CDH12: variants seen among roughly 807,000 people sequenced by gnomAD.
CDH12 encodes cadherin 12.
Under a neutral mutation model 74.1 loss-of-function variants are expected in CDH12, and 41 were observed. The ratio of observed to expected loss-of-function variants is 0.55; its 90% CI spans 0.43 to 0.72. The LOEUF is 0.72. Ranked by LOEUF, CDH12 falls within the 30% of genes least tolerant of loss-of-function variation. CDH12 has a pLI of 0.00. For synonymous variants in CDH12, 399 were observed against 355.0 expected (o/e 1.12, Z -1.39); for missense variants, 945 against 977.2 (o/e 0.97, Z 0.44).
chr5:22,369,472 GAAC>G (rs929773588), intron 3 of CDH12, among the ~76,000 whole-genome samples: 2 of 151,772 alleles, frequency 1.3e-5, no homozygotes, highest in Non-Finnish European at 2.9e-5. Flanking sequence ...TTAATTCCCT[GAAC>G]AACAAGGTTC....
chr5:22,524,022 C>T (rs1414982136), intron 1 of CDH12, among the ~76,000 whole-genome samples: 1 of 150,402 alleles, frequency 6.6e-6, no homozygotes, highest in Non-Finnish European at 1.5e-5. Context: ...CACTCCATCA[C>T]CCAGGCTTCA....
intron 1 of CDH12, among the ~76,000 whole-genome samples, chr5:22,805,110 A>T (rs530784852): frequency 6.6e-6 from 1 of 152,280 alleles, no homozygotes; most frequent in East Asian, 1.9e-4. Flanking sequence ...AAAATGTGCA[A>T]ATCCATGATA....
chr5:22,759,188 C>T (rs1346738419), intron 1 of CDH12, among the ~76,000 whole-genome samples: 22 of 151,468 alleles, frequency 1.5e-4, no homozygotes, highest in African/African-American at 2.4e-4. Context: ...TAGACTGCTA[C>T]GCAGTCTCAG....
rs144456514 is a variant in CDH12 at position 22,713,209 on chromosome 5, C to T, written c.-523+139849G>A. 6.9e-3 allele frequency among the ~76,000 whole-genome samples: 901 copies of T among 131,354 alleles called. 7 individuals carry two copies. The highest frequency in any genetic ancestry group is 0.053 in the Middle Eastern group (8 of 152). 86.2% of individuals were successfully genotyped at this position (131,354 alleles called of 152,430 possible). A position where few individuals can be genotyped will look rare whatever the true frequency, so the allele number is the denominator to read the frequency against. On this transcript the variant is annotated intron_variant, in intron 1 of 14. Transcript: ENST00000382254. ...CATCTGGAGTGCAGTGGTACGATCT[C>T]GGCTCACTGCAACCTACGCCTCCCA...
intron 6 of CDH12, among the ~76,000 whole-genome samples, chr5:21,856,482 G>T (rs150398724): frequency 8.4e-4 from 127 of 151,618 alleles, no homozygotes; most frequent in African/African-American, 2.3e-3. Context: ...GTCACAAATA[G>T]GAAATTAAAA....
At chr5:22,617,431 G>A (rs2126834999) in intron 1 of CDH12, among the ~76,000 whole-genome samples, 1 of 152,092 alleles carries the variant, frequency 6.6e-6, no homozygotes, top group Admixed American at 6.6e-5. Flanking sequence ...TAAAGCAGAG[G>A]GGAGATCATA....
chr5:22,265,862 C>G (rs1032751558), intron 3 of CDH12, among the ~76,000 whole-genome samples: 7 of 151,892 alleles, frequency 4.6e-5, no homozygotes, highest in African/African-American at 1.7e-4. Context: ...TACATTCAAA[C>G]ACAGATGATT....
chr5:22,700,871 A>C (rs1742677388), intron 1 of CDH12, among the ~76,000 whole-genome samples: 1 of 152,204 alleles, frequency 6.6e-6, no homozygotes, highest in South Asian at 2.1e-4. Flanking sequence ...TACATCTGAA[A>C]AGACTTTTTA....
chr5:21,831,367 G>A (rs963045179), intron 8 of CDH12, among the ~76,000 whole-genome samples: 5 of 152,098 alleles, frequency 3.3e-5, no homozygotes, highest in East Asian at 1.9e-4. Flanking sequence ...TTCTAAAAAT[G>A]TACAAATAGA....
At chr5:22,848,643 A>G (rs1304120490) in intron 1 of CDH12, among the ~76,000 whole-genome samples, 2 of 152,152 alleles carry the variant, frequency 1.3e-5, no homozygotes, top group Admixed American at 6.5e-5. Flanking sequence ...TTAGTTTATC[A>G]GGGAGGGATG....
At position 22,708,956 on chromosome 5, in the gene CDH12, C is replaced by T. The variant is rs117303992; in HGVS notation, c.-523+144102G>A. On this transcript the variant is annotated intron_variant, in intron 1 of 14. Coordinates refer to ENST00000382254, the MANE Select transcript of CDH12 (RefSeq NM_004061.5). ...ACTGTTCTTGATTCAGAACAAGGGG[C>T]TTGCACTCCTGACAGAAAGAGCACA... Among the ~76,000 whole-genome samples, 921 of 152,242 alleles carry T rather than the reference C, an allele frequency of 6.0e-3. 7 individuals are homozygous for T. The highest frequency in any genetic ancestry group is 0.027 in the Middle Eastern group (8 of 294).
chr5:21,875,791 C>T (rs1751903958), intron 6 of CDH12, among the ~76,000 whole-genome samples: 1 of 152,062 alleles, frequency 6.6e-6, no homozygotes, highest in Non-Finnish European at 1.5e-5. Flanking sequence ...GCATTCTGGA[C>T]TCAAAACTTC....
At chr5:22,851,076 G>T (rs940860160) in intron 1 of CDH12, among the ~76,000 whole-genome samples, 1 of 152,116 alleles carries the variant, frequency 6.6e-6, no homozygotes, top group Non-Finnish European at 1.5e-5. Context: ...TATATGAGGT[G>T]TAAGTACGTC....
chr5:22,725,388 G>A (rs115279167), intron 1 of CDH12, among the ~76,000 whole-genome samples: 3,966 of 151,896 alleles, frequency 0.026, 86 homozygotes, highest in Middle Eastern at 0.044. Context: ...GTTTATTATA[G>A]TATTGAAGTT....
At chr5:22,003,017 T>A (rs1561010676) in intron 5 of CDH12, among the ~76,000 whole-genome samples, 2 of 152,090 alleles carry the variant, frequency 1.3e-5, no homozygotes, top group Non-Finnish European at 2.9e-5. Flanking sequence ...AAAGGGGCTT[T>A]TGATTTAGTG....
intron 5 of CDH12, among the ~76,000 whole-genome samples, chr5:22,061,686 A>G (rs1324090116): frequency 2.6e-5 from 4 of 152,160 alleles, no homozygotes; most frequent in East Asian, 1.9e-4. Context: ...CTGTCTTCCA[A>G]GAAATCCAAC....
intron 5 of CDH12, among the ~76,000 whole-genome samples, chr5:22,041,036 C>T (rs938428571): frequency 6.6e-6 from 1 of 151,786 alleles, no homozygotes; most frequent in African/African-American, 2.4e-5. Flanking sequence ...TAAATCGTGA[C>T]ATCAAAAATA....
At chr5:22,322,836 A>G (rs1738941662) in intron 3 of CDH12, among the ~76,000 whole-genome samples, 1 of 152,164 alleles carries the variant, frequency 6.6e-6, no homozygotes, top group Admixed American at 6.6e-5. Flanking sequence ...GAGCCCTTGT[A>G]CAACTGCAAA....
At chr5:22,747,659 A>G (rs888601275) in intron 1 of CDH12, among the ~76,000 whole-genome samples, 1 of 151,802 alleles carries the variant, frequency 6.6e-6, no homozygotes, top group South Asian at 2.1e-4. Context: ...AAATAATGAA[A>G]CAATTAACTT....
Sources: gnomAD v4.1 joint callset for allele counts (sites outside exome capture counted in the v4.1 genomes callset) on GRCh38, gnomAD v4.1.1 for gene constraint, MANE v1.5 for transcripts, NCBI Gene and HGNC (gene_info 2026-07-23, HGNC 2026-07-21) for gene names.